Variants in OPCML observed in about 807,000 individuals in gnomAD.
The protein encoded by OPCML is opioid binding protein/cell adhesion molecule like, also known as opioid-binding protein/cell adhesion molecule.
In OPCML, 13 loss-of-function variants were observed where a neutral mutation model predicts 37.8. That is an observed-to-expected ratio of 0.34 (90% CI 0.22 to 0.55). The LOEUF is 0.55. OPCML is among the 20% of genes least tolerant of loss of function. The probability of loss-of-function intolerance (pLI) is 0.91; values close to 1 mark genes in which losing one functional copy is unlikely to be tolerated. For missense variants in OPCML, 341 were observed against 435.6 expected (o/e 0.78, Z 1.93); for synonymous variants, 176 against 168.8 (o/e 1.04, Z -0.33).
intron 2 of OPCML, among the ~76,000 whole-genome samples, chr11:132,661,577 G>C (rs573632107): frequency 6.6e-6 from 1 of 152,124 alleles, no homozygotes; most frequent in Non-Finnish European, 1.5e-5. Context: ...AAGCACAGAG[G>C]GGAACACTTT....
chr11:132,735,303 G>T (rs1006423099), intron 2 of OPCML, among the ~76,000 whole-genome samples: 1 of 152,072 alleles, frequency 6.6e-6, no homozygotes, highest in African/African-American at 2.4e-5. Context: ...TTAGGTTGGC[G>T]CCTCAGAGAA....
chr11:133,229,808 A>G (rs1231093551), intron 1 of OPCML, among the ~76,000 whole-genome samples: 1 of 152,188 alleles, frequency 6.6e-6, no homozygotes, highest in East Asian at 1.9e-4. Context: ...CTTTGTTTTC[A>G]CTTCTTCCAG....
At chr11:133,391,554 C>T (rs1945174401) in intron 1 of OPCML, among the ~76,000 whole-genome samples, 1 of 152,192 alleles carries the variant, frequency 6.6e-6, no homozygotes, top group Admixed American at 6.5e-5. Flanking sequence ...CCGCTGAGCG[C>T]TCTGCTGAGC....
At chr11:132,948,241 T>C (rs967820493) in intron 1 of OPCML, among the ~76,000 whole-genome samples, 1 of 152,208 alleles carries the variant, frequency 6.6e-6, no homozygotes, top group African/African-American at 2.4e-5. Flanking sequence ...CACCGTGCCA[T>C]GCTGGACCAC....
chr11:132,601,514 TCTC>T (rs547054718), intron 3 of OPCML, among the ~76,000 whole-genome samples: 618 of 152,238 alleles, frequency 4.1e-3, no homozygotes, highest in Non-Finnish European at 6.8e-3. Context: ...CCTCCATCCT[TCTC>T]CTCACCTTGC....
At chr11:133,317,128 C>T (rs1194234269) in intron 1 of OPCML, among the ~76,000 whole-genome samples, 1 of 152,128 alleles carries the variant, frequency 6.6e-6, no homozygotes, top group Non-Finnish European at 1.5e-5. Flanking sequence ...AACCCAGAGG[C>T]GGAGGTTGCA....
intron 2 of OPCML, among the ~76,000 whole-genome samples, chr11:132,851,037 C>T (rs1941785921): frequency 6.6e-6 from 1 of 152,198 alleles, no homozygotes; most frequent in Non-Finnish European, 1.5e-5. Context: ...AAAATTACGT[C>T]TTTATTCTCA....
At chr11:133,097,672 A>T (rs1949024501) in intron 1 of OPCML, among the ~76,000 whole-genome samples, 1 of 152,210 alleles carries the variant, frequency 6.6e-6, no homozygotes, top group South Asian at 2.1e-4. Flanking sequence ...TAGTATCAGA[A>T]ATGAAAGAAG....
At chr11:132,975,120 T>A (rs1034195268) in intron 1 of OPCML, among the ~76,000 whole-genome samples, 3 of 151,802 alleles carry the variant, frequency 2.0e-5, no homozygotes, top group Non-Finnish European at 4.4e-5. Context: ...GTGCTGATTA[T>A]ACAGATGTGA....
chr11:133,399,879 A>T (rs1481214052), intron 1 of OPCML, among the ~76,000 whole-genome samples: 8 of 149,224 alleles, frequency 5.4e-5, no homozygotes, highest in Admixed American at 3.4e-4. Context: ...ATATATATAA[A>T]ATATATATGA....
At chr11:133,195,293 C>T (rs1161788889) in intron 1 of OPCML, among the ~76,000 whole-genome samples, 2 of 152,174 alleles carry the variant, frequency 1.3e-5, no homozygotes, top group Non-Finnish European at 2.9e-5. Context: ...ATAGAAGTCT[C>T]CTCCTGTATT....
chr11:132,536,742 A>G (rs74925502), intron 3 of OPCML, among the ~76,000 whole-genome samples: 2,347 of 152,284 alleles, frequency 0.015, 55 homozygotes, highest in African/African-American at 0.048. Context: ...AAGCAAATTG[A>G]GAATTATGGC....
intron 2 of OPCML, among the ~76,000 whole-genome samples, chr11:132,861,811 G>A (rs7934704): frequency 0.14 from 21,238 of 150,362 alleles, 1,771 homozygotes; most frequent in Non-Finnish European, 0.19. Context: ...CTCCAGCCTG[G>A]GCAACAGAGT....
chr11:133,162,830 C>A (rs1053932699), intron 1 of OPCML, among the ~76,000 whole-genome samples: 1 of 152,152 alleles, frequency 6.6e-6, no homozygotes, highest in African/African-American at 2.4e-5. Flanking sequence ...CACCAGTATG[C>A]CTACTGAAAA....
intron 2 of OPCML, among the ~76,000 whole-genome samples, chr11:132,907,362 T>C (rs747193568): frequency 7.2e-5 from 11 of 152,012 alleles, no homozygotes; most frequent in Non-Finnish European, 1.2e-4. Flanking sequence ...CTTCAAGAAA[T>C]TGGCTCATGC....
intron 2 of OPCML, among the ~76,000 whole-genome samples, chr11:132,784,398 A>T (rs187211099): frequency 6.6e-5 from 10 of 152,002 alleles, no homozygotes; most frequent in Non-Finnish European, 1.3e-4. Context: ...CACAGCACCA[A>T]CTTCCAATCT....
Position 132,485,079 on chromosome 11 carries a change from T to A in OPCML, c.505+43982A>T, listed in dbSNP as rs143941992. On this transcript the variant is annotated intron_variant, in intron 4 of 7. Coordinates refer to ENST00000524381, the MANE Select transcript of OPCML (RefSeq NM_001012393.5). ...AACTTAAAGTATAATAATAAAAAAA[T>A]AATAATAATAAAATAAAATAAAAAA... 6.6e-4 allele frequency among the ~76,000 whole-genome samples: 97 copies of A among 147,766 alleles called. 1 individual carries two copies. Among genetic ancestry groups the A allele is most frequent in the African/African-American group, 2.2e-3 (90 of 40,006 alleles).
At chr11:132,941,549 T>C (rs1945578109) in intron 2 of OPCML, among the ~76,000 whole-genome samples, 1 of 152,226 alleles carries the variant, frequency 6.6e-6, no homozygotes, top group Non-Finnish European at 1.5e-5. Flanking sequence ...TGTTCCCTGA[T>C]TCCTCATGGG....
intron 2 of OPCML, among the ~76,000 whole-genome samples, chr11:132,820,089 A>G (rs928014157): frequency 4.4e-5 from 2 of 45,732 alleles, no homozygotes; most frequent in Non-Finnish European, 1.1e-4. Flanking sequence ...GAATGAATGA[A>G]TGAATGAATG....
Sources: gnomAD v4.1 joint callset for allele counts (sites outside exome capture counted in the v4.1 genomes callset) on GRCh38, gnomAD v4.1.1 for gene constraint, MANE v1.5 for transcripts, NCBI Gene and HGNC (gene_info 2026-07-23, HGNC 2026-07-21) for gene names.